The following ATG7 variants were observed in gnomAD, a reference collection of about 807,000 sequenced individuals.
The protein encoded by ATG7 is autophagy related 7, also known as ubiquitin-like modifier-activating enzyme ATG7.
Under a neutral mutation model 82.4 loss-of-function variants are expected in ATG7, and 70 were observed. That is an observed-to-expected ratio of 0.85 (90% CI 0.70 to 1.04). The LOEUF is 1.04. ATG7 is among the 50% of genes least tolerant of loss of function. The pLI is 0.00. For missense variants in ATG7, 792 were observed against 864.3 expected, an observed-to-expected ratio of 0.92 and a Z score of 1.05; for synonymous variants, 287 against 313.0, an observed-to-expected ratio of 0.92 and a Z score of 0.88.
Position 11,333,094 on chromosome 3 carries a change from G to A in ATG7, c.889+1G>A. Reference sequence around the variant, plus strand: ...CTTCCAGAAATGGCATTTAGCCCAGGTAATTTGCCGGTCTTTGAAAATGCA... The same window carrying A: ...CTTCCAGAAATGGCATTTAGCCCAGATAATTTGCCGGTCTTTGAAAATGCA... On this transcript the variant is annotated splice_donor_variant, in intron 11 of 20. Coordinates refer to ENST00000693202, the MANE Select transcript of ATG7 (RefSeq NM_001349232.2). LOFTEE classifies it high-confidence loss of function. 6.5e-7 allele frequency: 1 copy of A among 1,547,744 alleles called. No individual in the cohort carries two copies. Among genetic ancestry groups the A allele is most frequent in the Non-Finnish European group, 8.7e-7 (1 of 1,152,016 alleles).
intron 13 of ATG7, among the ~76,000 whole-genome samples, chr3:11,344,568 T>A (rs1347672405): frequency 3.3e-5 from 5 of 152,206 alleles, no homozygotes; most frequent in African/African-American, 1.2e-4. Context: ...ATGTTTTGTT[T>A]TTAAATGTTA....
At chr3:11,413,090 G>T (rs1160046917) in intron 19 of ATG7, among the ~76,000 whole-genome samples, 1 of 152,054 alleles carries the variant, frequency 6.6e-6, no homozygotes, top group East Asian at 1.9e-4. Context: ...TTTTGTACAT[G>T]TAAAATCATA....
At chr3:11,458,514 C>T (rs1337602172) in intron 20 of ATG7, among the ~76,000 whole-genome samples, 2 of 152,138 alleles carry the variant, frequency 1.3e-5, no homozygotes, top group Non-Finnish European at 2.9e-5. Flanking sequence ...CCGCCCGCCT[C>T]GGCATCCCAA....
At chr3:11,300,216 C>T (rs1946575473) in intron 5 of ATG7, among the ~76,000 whole-genome samples, 1 of 152,124 alleles carries the variant, frequency 6.6e-6, no homozygotes, top group African/African-American at 2.4e-5. Context: ...ACGATCGAGC[C>T]ACCACACCCA....
intron 18 of ATG7, among the ~76,000 whole-genome samples, chr3:11,366,047 G>C (rs922754594): frequency 6.6e-6 from 1 of 151,828 alleles, no homozygotes; most frequent in African/African-American, 2.4e-5. Flanking sequence ...GTGAAACCCC[G>C]TCTCTACTAA....
In ATG7 at chr3:11,359,364, A is replaced by G. The variant is rs1247493071; in HGVS notation, c.1479+752A>G. On this transcript the variant is annotated intron_variant, in intron 15 of 20. Transcript: ENST00000693202. ...TCAGATATTTGGGATAATAAGTTAA[A>G]TTAGAACTATGAAAAGTTGTTATAG... Among the ~76,000 whole-genome samples the G allele has an allele frequency of 1.3e-5, 2 of 152,204 alleles. 1 individual carries two copies. Among genetic ancestry groups the G allele is most frequent in the African/African-American group, 4.8e-5 (2 of 41,440 alleles).
chr3:11,279,138 C>T (rs1390234141), intron 1 of ATG7, among the ~76,000 whole-genome samples: 1 of 152,188 alleles, frequency 6.6e-6, no homozygotes, highest in Non-Finnish European at 1.5e-5. Context: ...ATCTAACCCT[C>T]CCTTTCTCAA....
At chr3:11,560,276 G>A (rs755777001), downstream of ATG7, among the ~76,000 whole-genome samples, 34 of 152,148 alleles carry the variant, frequency 2.2e-4, no homozygotes, top group Admixed American at 4.6e-4. Flanking sequence ...GCTTTGGTGT[G>A]GAACCTGGGA....
intron 20 of ATG7, among the ~76,000 whole-genome samples, chr3:11,491,965 C>T (rs1157817997): frequency 6.6e-6 from 1 of 152,180 alleles, no homozygotes; most frequent in Admixed American, 6.5e-5. Context: ...GCAGGTAGGC[C>T]TCCTTGAGCT....
At chr3:11,401,276 A>G (rs960425159) in intron 19 of ATG7, among the ~76,000 whole-genome samples, 1 of 152,186 alleles carries the variant, frequency 6.6e-6, no homozygotes, top group African/African-American at 2.4e-5. Context: ...TTTTTGTAGA[A>G]TGACTTTAGA....
chr3:11,310,533 A>G (rs1168431125), intron 7 of ATG7, among the ~76,000 whole-genome samples: 2 of 152,212 alleles, frequency 1.3e-5, no homozygotes, highest in African/African-American at 2.4e-5. Context: ...AATGCTTTCT[A>G]TGTAATAGTG....
intron 11 of ATG7, among the ~76,000 whole-genome samples, chr3:11,333,843 G>T (rs1328201066): frequency 6.6e-6 from 1 of 151,608 alleles, no homozygotes; most frequent in Non-Finnish European, 1.5e-5. Flanking sequence ...CGCCTCCCGG[G>T]TTCATGCCAT....
the ATG7 span, among the ~76,000 whole-genome samples, chr3:11,566,792 A>C: frequency 6.6e-6 from 1 of 152,044 alleles, no homozygotes; most frequent in Non-Finnish European, 1.5e-5. Flanking sequence ...CTCTTCGTCT[A>C]CGCACCCGCC....
intron 20 of ATG7, among the ~76,000 whole-genome samples, chr3:11,491,531 G>T (rs2153047957): frequency 6.6e-6 from 1 of 152,276 alleles, no homozygotes; most frequent in African/African-American, 2.4e-5. Context: ...GCGTTCCTTT[G>T]GAGGAGGAGA....
Position 11,557,393 on chromosome 3 carries a change from T to C in ATG7, c.*2550T>C, listed in dbSNP as rs1191368297. On this transcript the variant is annotated 3_prime_UTR_variant, in exon 21 of 21. Transcript: ENST00000693202. ...GTTCAAAGGGAGCAGTTTCTGCATGTAGGGAAGTTGGAAGACACAAACCCC... is the reference window on the plus strand; with the variant it reads ...GTTCAAAGGGAGCAGTTTCTGCATGCAGGGAAGTTGGAAGACACAAACCCC... 1 of 152,760 alleles carries C rather than the reference T, an allele frequency of 6.5e-6. No homozygotes were observed. The highest frequency in any genetic ancestry group is 1.9e-4 in the East Asian group (1 of 5,320). 9.5% of individuals were successfully genotyped at this position (152,760 alleles called of 1,614,324 possible).
At chr3:11,557,956 ACAAAC>A (rs1329141194), downstream of ATG7, 1 of 153,762 alleles carries the variant, frequency 6.5e-6, no homozygotes, top group African/African-American at 2.4e-5. Context: ...AGTAACAACA[ACAAAC>A]ACACAAATGG....
intron 19 of ATG7, among the ~76,000 whole-genome samples, chr3:11,408,537 C>T (rs1284397894): frequency 2.0e-5 from 3 of 152,204 alleles, no homozygotes; most frequent in African/African-American, 7.2e-5. Context: ...TTGATAAAGA[C>T]ATACCCGAGA....
At chr3:11,567,107 G>A in the ATG7 span, among the ~76,000 whole-genome samples, 1 of 152,148 alleles carries the variant, frequency 6.6e-6, no homozygotes, top group Non-Finnish European at 1.5e-5. Context: ...CGGCTGTGAT[G>A]TTGTGATGTC....
intron 9 of ATG7, among the ~76,000 whole-genome samples, chr3:11,319,324 T>A (rs1365824571): frequency 2.6e-5 from 4 of 152,204 alleles, no homozygotes; most frequent in Admixed American, 2.6e-4. Flanking sequence ...AAATAGGCAT[T>A]CTTTTCAGTA....
Sources: gnomAD v4.1 joint callset for allele counts (sites outside exome capture counted in the v4.1 genomes callset) on GRCh38, gnomAD v4.1.1 for gene constraint, MANE v1.5 for transcripts, NCBI Gene and HGNC (gene_info 2026-07-23, HGNC 2026-07-21) for gene names.